The following ZYX variants were observed in gnomAD, a reference collection of about 807,000 sequenced individuals.
ZYX encodes zyxin-2.
ZYX carries 37 observed loss-of-function variants against 58.1 expected under a neutral mutation model. The ratio of observed to expected loss-of-function variants is 0.64; its 90% CI spans 0.49 to 0.84. The LOEUF is 0.84. ZYX is among the 40% of genes least tolerant of loss of function. The probability of loss-of-function intolerance (pLI) is 0.00; values close to 1 mark genes in which losing one functional copy is unlikely to be tolerated. For missense variants in ZYX, 762 were observed against 761.6 expected, an observed-to-expected ratio of 1.00 and a Z score of -0.01; for synonymous variants, 324 against 321.1, an observed-to-expected ratio of 1.01 and a Z score of -0.10.
Position 143,390,850 on chromosome 7 carries a change from A to G in ZYX, c.*168A>G. The G allele has an allele frequency of 1.6e-6, 1 of 606,794 alleles. No homozygotes were observed. The highest frequency in any genetic ancestry group is 3.0e-6 in the Non-Finnish European group (1 of 337,664). The allele number at this position is 606,794 out of a possible 1,614,324, so 37.6% of individuals were successfully genotyped here. A position where few individuals can be genotyped will look rare whatever the true frequency, so the allele number is the denominator to read the frequency against. On this transcript the variant is annotated 3_prime_UTR_variant, in exon 10 of 10. Coordinates refer to ENST00000322764, the MANE Select transcript of ZYX (RefSeq NM_003461.5). This position sits in a 1 kb window ranked among gnomAD's most constrained non-coding sequence, Gnocchi z 4.3. Reference sequence around the variant, plus strand: ...ACCCAGGACCCAACATGGTCTAGGGATGCAGGATCCCCGCCCTGGGGTCTG... The same window carrying G: ...ACCCAGGACCCAACATGGTCTAGGGGTGCAGGATCCCCGCCCTGGGGTCTG...
chr7:143,389,804 C>G lies in ZYX; in HGVS notation c.1494-53C>G, dbSNP rs1805004153. The G allele has an allele frequency of 6.2e-7, 1 of 1,606,144 alleles. No homozygotes were observed. Among genetic ancestry groups the G allele is most frequent in the South Asian group, 1.1e-5 (1 of 90,662 alleles). ...GCCCAACCTGGCTTATGCGTGCGCA[C>G]ACCGGGGATGAAAGCCCTGGCTAAC... On this transcript the variant is annotated intron_variant, in intron 8 of 9. Transcript: ENST00000322764. This position sits in a 1 kb window ranked among gnomAD's most constrained non-coding sequence, Gnocchi z 5.6.
Position 143,381,385 on chromosome 7 carries a change from C to G in ZYX, c.-40C>G, listed in dbSNP as rs1804561332. 2 of 1,181,666 alleles carry G rather than the reference C, an allele frequency of 1.7e-6. No homozygotes were observed. The highest frequency in any genetic ancestry group is 2.1e-6 in the Non-Finnish European group (2 of 953,986). 73.2% of individuals were successfully genotyped at this position (1,181,666 alleles called of 1,614,324 possible). On this transcript the variant is annotated 5_prime_UTR_variant, in exon 1 of 10. Transcript: ENST00000322764. ...CCGGCGCCGAGGCGGCCACCCGAGA[C>G]GCGGCGCGCACGCTCCGGCCTGCGG...
rs1805008083 is a variant in ZYX at position 143,389,891 on chromosome 7, C to A, written c.1528C>A (p.Pro510Thr). ...YAPRCSVCSE[P>T]IMPEPGRDET... The stretch of plus-strand genomic sequence containing the variant: ...CCCGAGGTGCTCCGTCTGCTCTGAG[C>A]CCATCATGCCTGAGCCTGGCCGAGA... Residue 510 changes from proline to threonine, a missense_variant, in exon 9 of 10, where the codon CCC (proline) becomes ACC (threonine). Transcript: ENST00000322764. This position sits in a 1 kb window ranked among gnomAD's most constrained non-coding sequence, Gnocchi z 5.6. 6 of 1,614,028 alleles carry A rather than the reference C, an allele frequency of 3.7e-6. No homozygotes were observed. Among genetic ancestry groups the A allele is most frequent in the Non-Finnish European group, 5.1e-6 (6 of 1,180,020 alleles).
Position 143,384,869 on chromosome 7 carries a change from G to A in ZYX, c.1023+1547G>A, listed in dbSNP as rs1340389257. ...GAAGAGGAGGGGTCCAGCTGTCAACGTTTTGAGCAACAGGTCCCAGGAGGA... is the reference window on the plus strand; with the variant it reads ...GAAGAGGAGGGGTCCAGCTGTCAACATTTTGAGCAACAGGTCCCAGGAGGA... On this transcript the variant is annotated intron_variant, in intron 5 of 9. Coordinates refer to ENST00000322764, the MANE Select transcript of ZYX (RefSeq NM_003461.5). The surrounding 1 kb of genome is among the most constrained non-coding windows in gnomAD (Gnocchi z 4.9). Among the ~76,000 whole-genome samples the A allele has an allele frequency of 6.6e-6, 1 of 152,158 alleles. No homozygotes were observed. The highest frequency in any genetic ancestry group is 1.5e-5 in the Non-Finnish European group (1 of 68,032).
chr7:143,388,054 A>T lies in ZYX; in HGVS notation c.1024-165A>T. On this transcript the variant is annotated intron_variant, in intron 5 of 9. Transcript: ENST00000322764. This position sits in a 1 kb window ranked among gnomAD's most constrained non-coding sequence, Gnocchi z 7.5. ...CCCTGTTATTTGTGTGGTGCTGGGG[A>T]TGGCGGGGGTAGGGGGACGAGGGAG... 1.4e-6 allele frequency: 1 copy of T among 738,476 alleles called. No individual in the cohort carries two copies. Among genetic ancestry groups the T allele is most frequent in the Non-Finnish European group, 2.2e-6 (1 of 453,832 alleles). The allele number at this position is 738,476 out of a possible 1,614,324, so 45.7% of individuals were successfully genotyped here.
chr7:143,381,636 C>A lies in ZYX; in HGVS notation c.65C>A (p.Pro22Gln), dbSNP rs535640827. The A allele has an allele frequency of 2.5e-6, 4 of 1,612,270 alleles. No individual in the cohort carries two copies. The African/African-American group carries it at 5.3e-5, about 22-fold the overall frequency. The change falls in exon 2 of 10, where the codon CCG becomes CAG. Residue 22 changes from proline to glutamine, a missense_variant. Physicochemically the swap from Pro to Gln is moderately conservative, Grantham distance 76. Transcript: ENST00000322764. ...GTCTCGGCTCCGGCTTTTTACGCCCCGCAGAAGAAGTTCGGCCCTGTGGTG... is the reference window on the plus strand; with the variant it reads ...GTCTCGGCTCCGGCTTTTTACGCCCAGCAGAAGAAGTTCGGCCCTGTGGTG... ...VSVSAPAFYAPQKKFGPVVAP... is the reference protein window; with the variant it reads ...VSVSAPAFYAQQKKFGPVVAP...
At position 143,381,764 on chromosome 7, in the gene ZYX, C is replaced by T; in HGVS notation, c.193C>T (p.Pro65Ser). 2.5e-6 allele frequency: 4 copies of T among 1,577,170 alleles called. No individual in the cohort carries two copies. The highest frequency in any genetic ancestry group is 2.6e-6 in the Non-Finnish European group (3 of 1,161,796). Residue 65 changes from proline to serine, a missense_variant, in exon 2 of 10, where the codon CCG (proline) becomes TCG (serine). Physicochemically the swap from Pro to Ser is moderately conservative, Grantham distance 74. Coordinates refer to ENST00000322764, the MANE Select transcript of ZYX (RefSeq NM_003461.5). ...AQMGRVGEIP[P>S]PPPEDFPLPP... ...GATGGGCCGGGTGGGCGAGATTCCCCCGCCGCCCCCGGAAGGTATGCGGCG... is the reference window on the plus strand; with the variant it reads ...GATGGGCCGGGTGGGCGAGATTCCCTCGCCGCCCCCGGAAGGTATGCGGCG...
Position 143,382,957 on chromosome 7 carries a change from A to T in ZYX, c.658A>T (p.Thr220Ser). The T allele has an allele frequency of 6.2e-7, 1 of 1,613,792 alleles. No homozygotes were observed. The highest frequency in any genetic ancestry group is 1.1e-5 in the South Asian group (1 of 91,056). The stretch of plus-strand genomic sequence containing the variant: ...GGTTCCGGCTCCGGCTCAGAGCCAG[A>T]CACAGTTCCATGTTCAGCCCCAGCC... ...PQVPAPAQSQ[T>S]QFHVQPQPQP... The change falls in exon 5 of 10, where the codon ACA (threonine) becomes TCA (serine). Residue 220 changes from threonine (T) to serine (S), a missense_variant. Transcript: ENST00000322764.
rs1804959879 is a variant in ZYX at position 143,388,757 on chromosome 7, G to C, written c.1315-10G>C. On this transcript the variant is annotated splice_polypyrimidine_tract_variant and intron_variant, in intron 7 of 9. Transcript: ENST00000322764. This position sits in a 1 kb window ranked among gnomAD's most constrained non-coding sequence, Gnocchi z 7.5. ...GGTTCCCTGCCAACCTCCTCCTGCT[G>C]CCTCCTCAGGACACCCTGGAGAAGT... is the stretch of plus-strand genomic sequence containing the variant. 6.2e-7 allele frequency: 1 copy of C among 1,611,718 alleles called. No homozygotes were observed. The highest frequency in any genetic ancestry group is 8.5e-7 in the Non-Finnish European group (1 of 1,178,448).
chr7:143,386,535 T>G (rs961318992), intron 5 of ZYX, among the ~76,000 whole-genome samples: 6 of 152,144 alleles, frequency 3.9e-5, no homozygotes, highest in African/African-American at 1.4e-4. Flanking sequence ...ATCTCTCCAC[T>G]GCTTTCTGCA....
In ZYX at chr7:143,388,348, ACCCCACCGGGACAC is replaced by A. The variant is rs1215404721; in HGVS notation, c.1144+17_1144+30del. Reference sequence around the variant, plus strand: ...GAATGTGGCTGTCAACGGTGAGCCCACCCCACCGGGACACCCCCACCCTGCCCCCACATCACGGT... The same window carrying A: ...GAATGTGGCTGTCAACGGTGAGCCCACCCCACCCTGCCCCCACATCACGGT... On this transcript the variant is annotated intron_variant, in intron 6 of 9. Coordinates refer to ENST00000322764, the MANE Select transcript of ZYX (RefSeq NM_003461.5). The surrounding 1 kb of genome is among the most constrained non-coding windows in gnomAD (Gnocchi z 7.5). 2 of 1,613,126 alleles carry A rather than the reference ACCCCACCGGGACAC, an allele frequency of 1.2e-6. No homozygotes were observed.
chr7:143,381,738 A>G lies in ZYX; in HGVS notation c.167A>G (p.Gln56Arg). ...PPPAPGAQRA[Q>R]MGRVGEIPPP... ...CCGGCACCCGGGGCCCAGCGCGCAC[A>G]GATGGGCCGGGTGGGCGAGATTCCC... Residue 56 changes from glutamine to arginine, a missense_variant, in exon 2 of 10, where the codon CAG becomes CGG. By Grantham distance (43) the Gln-to-Arg change is conservative. Transcript: ENST00000322764. The G allele has an allele frequency of 1.3e-6, 2 of 1,595,918 alleles. No individual in the cohort carries two copies. The highest frequency in any genetic ancestry group is 1.7e-6 in the Non-Finnish European group (2 of 1,171,818).
chr7:143,382,518 A>C, intron 3 of ZYX, 71 bp downstream of exon 3: 22 of 1,590,856 alleles, frequency 1.4e-5, no homozygotes, highest in Non-Finnish European at 1.9e-5. Context: ...CTTTCTTCTT[A>C]CCTCCCCTGC....
Position 143,390,336 on chromosome 7 carries a change from C to T in ZYX, c.1615-242C>T, listed in dbSNP as rs566817977. ...TCTATTTTATTAGGGTGGTGGTGGGCAGGGGAGCAAGCACCTTGGGAGCAG... is the reference window on the plus strand; with the variant it reads ...TCTATTTTATTAGGGTGGTGGTGGGTAGGGGAGCAAGCACCTTGGGAGCAG... On this transcript the variant is annotated intron_variant, in intron 9 of 9. Transcript: ENST00000322764. This position sits in a 1 kb window ranked among gnomAD's most constrained non-coding sequence, Gnocchi z 4.3. 3.3e-5 allele frequency: 19 copies of T among 569,708 alleles called. No individual in the cohort carries two copies. Among genetic ancestry groups the T allele is most frequent in the African/African-American group, 3.0e-4 (16 of 53,278 alleles). 35.3% of individuals were successfully genotyped at this position (569,708 alleles called of 1,614,324 possible).
Position 143,388,073 on chromosome 7 carries a change from G to A in ZYX, c.1024-146G>A, listed in dbSNP as rs1179676521. 1.7e-5 allele frequency: 16 copies of A among 958,228 alleles called. No homozygotes were observed. In the East Asian group the frequency reaches 2.9e-4, roughly 17 times the overall value. The allele number at this position is 958,228 out of a possible 1,614,324, so 59.4% of individuals were successfully genotyped here. A position where few individuals can be genotyped will look rare whatever the true frequency, so the allele number is the denominator to read the frequency against. On this transcript the variant is annotated intron_variant, in intron 5 of 9. Transcript: ENST00000322764. This position sits in a 1 kb window ranked among gnomAD's most constrained non-coding sequence, Gnocchi z 7.5. ...CTGGGGATGGCGGGGGTAGGGGGAC[G>A]AGGGAGAAGCTTTAAGGGTCAAGCC...
rs950777729 is a variant in ZYX at position 143,384,411 on chromosome 7, G to T, written c.1023+1089G>T. Among the ~76,000 whole-genome samples, 2 of 152,172 alleles carry T rather than the reference G, an allele frequency of 1.3e-5. No individual in the cohort carries two copies. The highest frequency in any genetic ancestry group is 2.9e-5 in the Non-Finnish European group (2 of 68,032). ...GATAGAGCTATACTTGGAGAGGCAA[G>T]CGGGGCTGGAGGGTGTAGGAGGTGA... On this transcript the variant is annotated intron_variant, in intron 5 of 9. Transcript: ENST00000322764. The surrounding 1 kb of genome is among the most constrained non-coding windows in gnomAD (Gnocchi z 4.9).
At chr7:143,381,903 G>C (rs1804615030) in intron 2 of ZYX, 124 bp downstream of exon 2, 2 of 994,930 alleles carry the variant, frequency 2.0e-6, no homozygotes. Context: ...ACCCTGTCCC[G>C]AGCAGATGTT....
Position 143,390,081 on chromosome 7 carries a change from G to C in ZYX, c.1614+104G>C. 6.6e-7 allele frequency: 1 copy of C among 1,523,222 alleles called. No individual in the cohort carries two copies. The highest frequency in any genetic ancestry group is 8.9e-7 in the Non-Finnish European group (1 of 1,121,306). The allele number at this position is 1,523,222 out of a possible 1,614,324, so 94.4% of individuals were successfully genotyped here. On this transcript the variant is annotated intron_variant, in intron 9 of 9. Transcript: ENST00000322764. The surrounding 1 kb of genome is among the most constrained non-coding windows in gnomAD (Gnocchi z 4.3). ...GAAAGCACCAGCATTCAGGAAACAG[G>C]GCTGTGATTTTGAGGGTGGCTCATG...
At position 143,388,772 on chromosome 7, in the gene ZYX, C is replaced by G. The variant is rs778994196; in HGVS notation, c.1320C>G (p.Thr440=). 1 of 1,613,430 alleles carries G rather than the reference C, an allele frequency of 6.2e-7. No individual in the cohort carries two copies. Among genetic ancestry groups the G allele is most frequent in the Non-Finnish European group, 8.5e-7 (1 of 1,179,640 alleles). The change falls in exon 8 of 10, where the codon ACC becomes ACG. Residue 440 remains threonine (T), a synonymous_variant. Coordinates refer to ENST00000322764, the MANE Select transcript of ZYX (RefSeq NM_003461.5). This position sits in a 1 kb window ranked among gnomAD's most constrained non-coding sequence, Gnocchi z 7.5. ...TCCTCCTGCTGCCTCCTCAGGACAC[C>G]CTGGAGAAGTGTAACACCTGCGGGG... is the stretch of plus-strand genomic sequence containing the variant. ...APYCEGCYTD[T]LEKCNTCGEP...
Sources: gnomAD v4.1 joint callset for allele counts (sites outside exome capture counted in the v4.1 genomes callset) on GRCh38, gnomAD v4.1.1 for gene constraint, Gnocchi (gnomAD v3.1) non-coding constraint, MANE v1.5 for transcripts, NCBI Gene and HGNC (gene_info 2026-07-23, HGNC 2026-07-21) for gene names.